Variants in WDR70 observed in about 807,000 individuals in gnomAD.
WDR70 encodes WD repeat-containing protein 70.
In WDR70, 53 loss-of-function variants were observed where a neutral mutation model predicts 88.6. The ratio of observed to expected loss-of-function variants is 0.60; its 90% CI spans 0.48 to 0.75. The LOEUF is 0.75. Ranked by LOEUF, WDR70 falls within the 30% of genes least tolerant of loss-of-function variation. The pLI is 0.00. For missense variants in WDR70, 610 were observed against 823.2 expected, an observed-to-expected ratio of 0.74 and a Z score of 3.17; for synonymous variants, 280 against 270.0, an observed-to-expected ratio of 1.04 and a Z score of -0.36.
intron 8 of WDR70, chr5:37,506,309 G>T (rs1282466707): frequency 2.1e-5 from 19 of 925,436 alleles, no homozygotes; most frequent in Non-Finnish European, 9.0e-6. Flanking sequence ...CCACTTCTAG[G>T]TGTTCAATCA....
intron 11 of WDR70, among the ~76,000 whole-genome samples, chr5:37,698,141 C>CT (rs1357650351): frequency 2.6e-5 from 4 of 151,648 alleles, no homozygotes; most frequent in African/African-American, 7.3e-5. Flanking sequence ...TTGACCATTG[C>CT]TTTTTTTTCT....
chr5:37,396,409 G>A lies in WDR70; in HGVS notation c.331G>A (p.Asp111Asn), dbSNP rs759279236. The A allele has an allele frequency of 4.3e-6, 7 of 1,613,556 alleles. No individual in the cohort carries two copies. Among genetic ancestry groups the A allele is most frequent in the Non-Finnish European group, 3.4e-6 (4 of 1,179,822 alleles). ...TSSSESEQSS[D>N]SSDDELIGPP... is the part of the protein sequence containing the mutation. Reference sequence around the variant, plus strand: ...CAGCAGTGAAAGTGAACAGAGTTCTGACTCTTCTGATGATGAGTTAATTGG... The same window carrying A: ...CAGCAGTGAAAGTGAACAGAGTTCTAACTCTTCTGATGATGAGTTAATTGG... The change falls in exon 5 of 18, where the codon GAC becomes AAC. Residue 111 changes from aspartate to asparagine, a missense_variant. Transcript: ENST00000265107.
At chr5:37,502,139 GATCT>G (rs774927809) in intron 8 of WDR70, among the ~76,000 whole-genome samples, 1 of 152,188 alleles carries the variant, frequency 6.6e-6, no homozygotes, top group Non-Finnish European at 1.5e-5. Context: ...TCCTTGTAGA[GATCT>G]TTTACCTCCT....
intron 9 of WDR70, among the ~76,000 whole-genome samples, chr5:37,594,944 C>A (rs577725363): frequency 6.6e-6 from 1 of 152,202 alleles, no homozygotes; most frequent in East Asian, 1.9e-4. Context: ...CTATGTTTGT[C>A]TTTTATTTGT....
intron 5 of WDR70, among the ~76,000 whole-genome samples, chr5:37,430,692 C>G (rs1345656731): frequency 2.0e-5 from 3 of 152,034 alleles, no homozygotes; most frequent in African/African-American, 7.3e-5. Flanking sequence ...TCCCAAGTAG[C>G]TGGGATTACA....
chr5:37,559,340 C>T (rs973987398), intron 9 of WDR70, among the ~76,000 whole-genome samples: 1 of 152,058 alleles, frequency 6.6e-6, no homozygotes, highest in African/African-American at 2.4e-5. Context: ...TATTCTTAGC[C>T]CTTCTCTACT....
At chr5:37,439,580 C>CTCTA (rs1750588431) in intron 6 of WDR70, among the ~76,000 whole-genome samples, 2 of 148,006 alleles carry the variant, frequency 1.4e-5, no homozygotes, top group Non-Finnish European at 1.5e-5. Context: ...ATGTTTTACA[C>CTCTA]ATTGAAAATC....
In WDR70 at chr5:37,507,996, C is replaced by T. The variant is rs190047539; in HGVS notation, c.841-8518C>T. ...CTTGCCTTATTGTACTTAACTAGGGCTTCCAGATTGACATTGAATGTGAAT... is the reference window on the plus strand; with the variant it reads ...CTTGCCTTATTGTACTTAACTAGGGTTTCCAGATTGACATTGAATGTGAAT... On this transcript the variant is annotated intron_variant, in intron 8 of 17. Transcript: ENST00000265107. Among the ~76,000 whole-genome samples, 11 of 152,112 alleles carry T rather than the reference C, an allele frequency of 7.2e-5. No individual in the cohort carries two copies. The East Asian group carries it at 2.1e-3, about 29-fold the overall frequency.
chr5:37,626,226 T>C (rs1359542139), intron 10 of WDR70, among the ~76,000 whole-genome samples: 4 of 152,194 alleles, frequency 2.6e-5, no homozygotes, highest in Non-Finnish European at 5.9e-5. Flanking sequence ...CTTTTTATTG[T>C]TCATAAGATG....
chr5:37,720,927 A>G (rs892206352), intron 13 of WDR70, among the ~76,000 whole-genome samples, 188 bp from the exon 14 acceptor site: 1 of 152,206 alleles, frequency 6.6e-6, no homozygotes, highest in African/African-American at 2.4e-5. Flanking sequence ...TATCACCCAG[A>G]TAATAAGTGA....
intron 7 of WDR70, among the ~76,000 whole-genome samples, chr5:37,448,621 A>G (rs1738572107): frequency 6.6e-6 from 1 of 152,238 alleles, no homozygotes; most frequent in African/African-American, 2.4e-5. Context: ...TACAGAGTTT[A>G]TGCATACACT....
At position 37,467,881 on chromosome 5, in the gene WDR70, A is replaced by AT. The variant is rs1320772568; in HGVS notation, c.687-11947dup. On this transcript the variant is annotated intron_variant, in intron 7 of 17. Coordinates refer to ENST00000265107, the MANE Select transcript of WDR70 (RefSeq NM_018034.4). ...AGGCGCCCGCCACCGCGCCCAGCTA[A>AT]TTTTTTGTATTTTTAGTAGAGATGG... Among the ~76,000 whole-genome samples, 4 of 151,878 alleles carry AT rather than the reference A, an allele frequency of 2.6e-5. No homozygotes were observed. In the East Asian group the frequency reaches 7.7e-4, roughly 29 times the overall value.
chr5:37,630,375 T>C (rs1744777838), intron 10 of WDR70, among the ~76,000 whole-genome samples: 1 of 152,164 alleles, frequency 6.6e-6, no homozygotes, highest in Admixed American at 6.5e-5. Context: ...CCTACAGCAT[T>C]GTTTCTCAGA....
intron 3 of WDR70, among the ~76,000 whole-genome samples, chr5:37,389,547 G>A (rs1748745145): frequency 6.6e-6 from 1 of 151,962 alleles, no homozygotes; most frequent in South Asian, 2.1e-4. Context: ...AGTAAGCTGG[G>A]ACTACAGGCG....
chr5:37,736,155 A>G (rs1322265217), intron 17 of WDR70, among the ~76,000 whole-genome samples: 3 of 152,100 alleles, frequency 2.0e-5, no homozygotes, highest in African/African-American at 4.8e-5. Context: ...GAAAGCTATT[A>G]GCTTACACAT....
At chr5:37,672,352 C>T (rs982933953) in intron 10 of WDR70, among the ~76,000 whole-genome samples, 4 of 152,082 alleles carry the variant, frequency 2.6e-5, no homozygotes, top group African/African-American at 7.2e-5. Context: ...AGAGGAAGTC[C>T]TCTTGTGGTT....
intron 17 of WDR70, among the ~76,000 whole-genome samples, chr5:37,745,605 A>C (rs969098037): frequency 7.9e-5 from 9 of 114,500 alleles, no homozygotes; most frequent in African/African-American, 1.2e-4. Flanking sequence ...AATGGAAAGC[A>C]AAAAAAAAAT....
At chr5:37,505,796 A>T in intron 8 of WDR70, 1 of 1,398,930 alleles carries the variant, frequency 7.1e-7, no homozygotes, top group Admixed American at 1.7e-5. Flanking sequence ...ACCCAGACAG[A>T]TCACAGTTCT....
intron 16 of WDR70, among the ~76,000 whole-genome samples, chr5:37,725,920 G>A (rs1431574912): frequency 2.6e-5 from 4 of 152,072 alleles, no homozygotes; most frequent in African/African-American, 9.7e-5. Context: ...GTTCTGTACA[G>A]TCCAAATCAA....
Sources: gnomAD v4.1 joint callset for allele counts (sites outside exome capture counted in the v4.1 genomes callset) on GRCh38, gnomAD v4.1.1 for gene constraint, MANE v1.5 for transcripts, NCBI Gene and HGNC (gene_info 2026-07-23, HGNC 2026-07-21) for gene names.